CDH8: variants seen among roughly 807,000 people sequenced by gnomAD.
CDH8 encodes the protein cadherin-8.
Under a neutral mutation model 68.1 loss-of-function variants are expected in CDH8, and 17 were observed. The observed-to-expected ratio is 0.25, with a 90% CI of 0.17 to 0.37. The LOEUF is 0.37. Among genes scored for constraint, CDH8 ranks in the 10% least tolerant of loss-of-function variants. The pLI is 1.00. For synonymous variants in CDH8, 372 were observed against 365.1 expected, an observed-to-expected ratio of 1.02 and a Z score of -0.21; for missense variants, 763 against 999.3, an observed-to-expected ratio of 0.76 and a Z score of 3.19.
In CDH8 at chr16:61,968,031, A is replaced by C. The variant is rs1347608271; in HGVS notation, c.252+53121T>G. 2.6e-5 allele frequency among the ~76,000 whole-genome samples: 4 copies of C among 152,242 alleles called. No homozygotes were observed. The South Asian group carries it at 6.2e-4, about 24-fold the overall frequency. Reference sequence around the variant, plus strand: ...CACCCTGTTGGCCAGGCTGGTCTCGAACTCCTGACCTTGGGCGATCCACCC... The same window carrying C: ...CACCCTGTTGGCCAGGCTGGTCTCGCACTCCTGACCTTGGGCGATCCACCC... On this transcript the variant is annotated intron_variant, in intron 2 of 11. Coordinates refer to ENST00000577390, the MANE Select transcript of CDH8 (RefSeq NM_001796.5).
chr16:61,754,780 T>C (rs182297505), intron 8 of CDH8, among the ~76,000 whole-genome samples: 40 of 152,214 alleles, frequency 2.6e-4, no homozygotes, highest in Admixed American at 7.2e-4. Flanking sequence ...ACTTATATTT[T>C]ATTTTATGTT....
At chr16:61,666,186 G>T (rs947139763) in intron 10 of CDH8, among the ~76,000 whole-genome samples, 1 of 147,404 alleles carries the variant, frequency 6.8e-6, no homozygotes, top group Non-Finnish European at 1.5e-5. Flanking sequence ...CTCTGTGTGT[G>T]TGTGTGTGTG....
At chr16:61,960,974 C>G (rs370546089) in intron 2 of CDH8, among the ~76,000 whole-genome samples, 3 of 152,186 alleles carry the variant, frequency 2.0e-5, no homozygotes, top group South Asian at 2.1e-4. Flanking sequence ...CTCCTGTCTC[C>G]CTACAGGTCA....
chr16:61,927,714 A>G (rs950042876), intron 2 of CDH8, among the ~76,000 whole-genome samples: 2 of 152,170 alleles, frequency 1.3e-5, no homozygotes, highest in Non-Finnish European at 2.9e-5. Flanking sequence ...GGCATCGTCA[A>G]ACTCTGTGCC....
chr16:61,817,554 T>C lies in CDH8; in HGVS notation c.1202A>G (p.His401Arg). 3 of 1,614,014 alleles carry C rather than the reference T, an allele frequency of 1.9e-6. No homozygotes were observed. The highest frequency in any genetic ancestry group is 2.5e-6 in the Non-Finnish European group (3 of 1,179,954). The change falls in exon 7 of 12, where the codon CAT becomes CGT. Residue 401 changes from histidine (H) to arginine (R), a missense_variant. Coordinates refer to ENST00000577390, the MANE Select transcript of CDH8 (RefSeq NM_001796.5). ...FSSPTYLLEV[H>R]ENAALNSVIG... The stretch of plus-strand genomic sequence containing the variant: ...CACGGAGTTTAGAGCAGCATTTTCA[T>C]GAACTTCAAGTAGGTAAGTCGGTGA...
chr16:62,018,673 G>A (rs187096944), intron 2 of CDH8, among the ~76,000 whole-genome samples: 1 of 152,252 alleles, frequency 6.6e-6, no homozygotes. Context: ...GGAAATGTTC[G>A]CAGAAAAGTT....
chr16:61,919,049 G>T (rs1296789724), intron 2 of CDH8, among the ~76,000 whole-genome samples: 1 of 146,924 alleles, frequency 6.8e-6, no homozygotes, highest in Non-Finnish European at 1.5e-5. Flanking sequence ...CCCCCAGCAG[G>T]GGCATACTGA....
At position 61,762,156 on chromosome 16, in the gene CDH8, G is replaced by A. The variant is rs1596943189; in HGVS notation, c.1414+27190C>T. Among the ~76,000 whole-genome samples the A allele has an allele frequency of 2.0e-5, 3 of 152,202 alleles. No homozygotes were observed. In the East Asian group the frequency reaches 5.8e-4, roughly 29 times the overall value. ...TCCTCTGGGCATTGCCCGTGGTGGTGTATACATAAACTTACACATGTGGTA... is the reference window on the plus strand; with the variant it reads ...TCCTCTGGGCATTGCCCGTGGTGGTATATACATAAACTTACACATGTGGTA... On this transcript the variant is annotated intron_variant, in intron 8 of 11. Transcript: ENST00000577390.
At chr16:61,810,893 G>T (rs1415701934) in intron 7 of CDH8, among the ~76,000 whole-genome samples, 1 of 151,896 alleles carries the variant, frequency 6.6e-6, no homozygotes, top group Non-Finnish European at 1.5e-5. Flanking sequence ...GTATGGTGGT[G>T]CATGCCTGTG....
chr16:61,738,758 T>C (rs1959779074), intron 8 of CDH8, among the ~76,000 whole-genome samples: 1 of 152,176 alleles, frequency 6.6e-6, no homozygotes, highest in African/African-American at 2.4e-5. Flanking sequence ...TGTTGTCCTC[T>C]GTTGTCTATA....
intron 2 of CDH8, among the ~76,000 whole-genome samples, chr16:61,988,586 A>C (rs1567558204): frequency 1.3e-5 from 2 of 151,970 alleles, no homozygotes; most frequent in African/African-American, 2.4e-5. Flanking sequence ...GCAACAAACA[A>C]AAACAAACAA....
At chr16:61,999,787 A>G (rs1965863937) in intron 2 of CDH8, among the ~76,000 whole-genome samples, 1 of 152,034 alleles carries the variant, frequency 6.6e-6, no homozygotes, top group African/African-American at 2.4e-5. Context: ...AATTATAATG[A>G]ATTCCCCCCT....
At chr16:61,662,312 T>C (rs1021090801) in intron 10 of CDH8, among the ~76,000 whole-genome samples, 11 of 151,932 alleles carry the variant, frequency 7.2e-5, no homozygotes, top group East Asian at 3.9e-4. Context: ...TCTCCCCTTA[T>C]AGCTTCCGCT....
chr16:61,850,223 A>T (rs1034439131), intron 4 of CDH8, among the ~76,000 whole-genome samples: 2 of 152,052 alleles, frequency 1.3e-5, no homozygotes, highest in Non-Finnish European at 2.9e-5. Flanking sequence ...GGCATGTCAC[A>T]TGGCAAGACA....
chr16:61,999,962 G>T (rs772624182), intron 2 of CDH8, among the ~76,000 whole-genome samples: 21 of 145,296 alleles, frequency 1.4e-4, no homozygotes, highest in Non-Finnish European at 2.7e-4. Flanking sequence ...CCCTCCCCTT[G>T]CCCCCCGACC....
chr16:61,693,193 G>A (rs2142834481), intron 10 of CDH8: 2 of 152,164 alleles, frequency 1.3e-5, no homozygotes, highest in East Asian at 3.9e-4. Flanking sequence ...AAAAATAAAA[G>A]TATTTCCTTC....
At chr16:61,686,006 T>C (rs1014956879) in intron 10 of CDH8, among the ~76,000 whole-genome samples, 18 of 152,010 alleles carry the variant, frequency 1.2e-4, no homozygotes, top group African/African-American at 4.1e-4. Flanking sequence ...CAGGCTTTGG[T>C]GTTTACAGAA....
chr16:61,648,139 C>A lies in CDH8; in HGVS notation c.*5469G>T. The A allele has an allele frequency of 3.5e-6, 1 of 289,392 alleles. No individual in the cohort carries two copies. The highest frequency in any genetic ancestry group is 6.4e-6 in the Non-Finnish European group (1 of 156,734). The allele number at this position is 289,392 out of a possible 1,614,324, so 17.9% of individuals were successfully genotyped here. A position where few individuals can be genotyped will look rare whatever the true frequency, so the allele number is the denominator to read the frequency against. On this transcript the variant is annotated 3_prime_UTR_variant, in exon 12 of 12. Coordinates refer to ENST00000577390, the MANE Select transcript of CDH8 (RefSeq NM_001796.5). ...ACAACTCAGGAGATGACCCCAAATACCAGCATGTAATTTCTGTTTCTCTCA... is the reference window on the plus strand; with the variant it reads ...ACAACTCAGGAGATGACCCCAAATAACAGCATGTAATTTCTGTTTCTCTCA...
chr16:61,728,284 C>A (rs1959433810), intron 8 of CDH8, among the ~76,000 whole-genome samples: 1 of 149,860 alleles, frequency 6.7e-6, no homozygotes, highest in African/African-American at 2.4e-5. Context: ...TAAAAGTACT[C>A]CTAAAGTATA....
Sources: allele counts gnomAD v4.1 joint callset (sites outside exome capture counted in the v4.1 genomes callset), GRCh38; gene constraint gnomAD v4.1.1; transcripts MANE v1.5; gene names NCBI Gene and HGNC (gene_info 2026-07-23, HGNC 2026-07-21).